The following ELF1 variants were observed in gnomAD, a reference collection of about 807,000 sequenced individuals.
ELF1 encodes the protein ETS-related transcription factor Elf-1.
A neutral mutation model predicts 59.9 loss-of-function variants in ELF1; 24 were observed. The observed-to-expected ratio is 0.40, with a 90% CI of 0.29 to 0.56. The LOEUF (loss-of-function observed/expected upper bound fraction) is 0.56, where lower values mean the gene tolerates loss of function less well. Ranked by LOEUF, ELF1 falls within the 20% of genes least tolerant of loss-of-function variation. ELF1 has a pLI of 0.44. For missense variants in ELF1, 627 were observed against 742.2 expected (o/e 0.84, Z 1.80); for synonymous variants, 248 against 266.2 (o/e 0.93, Z 0.67).
chr13:40,989,636 T>C (rs965178946), intron 1 of ELF1, among the ~76,000 whole-genome samples: 6 of 152,122 alleles, frequency 3.9e-5, no homozygotes, highest in African/African-American at 9.7e-5. Context: ...CTAACATCCA[T>C]AGATTTCCAC....
upstream of ELF1, among the ~76,000 whole-genome samples, chr13:41,020,583 T>C (rs1344649862): frequency 6.6e-6 from 1 of 152,218 alleles, no homozygotes; most frequent in Non-Finnish European, 1.5e-5. Context: ...GAAGATTGCT[T>C]GGTTTATCCT....
chr13:40,955,483 G>A (rs1240562228), intron 3 of ELF1, among the ~76,000 whole-genome samples: 5 of 110,616 alleles, frequency 4.5e-5, no homozygotes, highest in African/African-American at 6.8e-5. Flanking sequence ...GCCTCTGCCC[G>A]GCCGCCCCTA....
chr13:40,956,293 A>C (rs1871422154), intron 3 of ELF1, among the ~76,000 whole-genome samples: 1 of 152,010 alleles, frequency 6.6e-6, no homozygotes, highest in South Asian at 2.1e-4. Flanking sequence ...GTGCTCTCTG[A>C]AACATGTGCT....
rs146268857 is a variant in ELF1 at position 41,007,697 on chromosome 13, A to C, written c.-229+11531T>G. On this transcript the variant is annotated intron_variant, in intron 1 of 8. Transcript: ENST00000239882. Reference sequence around the variant, plus strand: ...GTGTTATAAGCTTGTATTTAACATAAACTTTAATAAAAGTATATTTCTTCC... The same window carrying C: ...GTGTTATAAGCTTGTATTTAACATACACTTTAATAAAAGTATATTTCTTCC... Among the ~76,000 whole-genome samples, 434 of 152,338 alleles carry C rather than the reference A, an allele frequency of 2.8e-3. 2 individuals carry two copies. Among genetic ancestry groups the C allele is most frequent in the African/African-American group, 0.01 (424 of 41,574 alleles).
intron 3 of ELF1, among the ~76,000 whole-genome samples, chr13:40,955,388 C>A (rs1871215390): frequency 7.0e-6 from 1 of 143,844 alleles, no homozygotes; most frequent in South Asian, 2.2e-4. Flanking sequence ...GGTCATCCCC[C>A]TGCCCGGCCA....
Position 40,941,239 on chromosome 13 carries a change from G to A in ELF1, c.938C>T (p.Pro313Leu). 1.2e-6 allele frequency: 2 copies of A among 1,614,142 alleles called. No homozygotes were observed. The change falls in exon 8 of 9, where the codon CCA becomes CTA. Residue 313 changes from proline (P) to leucine (L), a missense_variant. By Grantham distance (98) the Pro-to-Leu change is moderately conservative. Transcript: ENST00000239882. The stretch of plus-strand genomic sequence containing the variant: ...TGAAGTGGCTGATGAAGATAGCGAT[G>A]GATCTGAAGACTCTATGCTGGAACT... ...DPSSSIESSDPSLSSSATSNR... is the reference protein window; with the variant it reads ...DPSSSIESSDLSLSSSATSNR...
chr13:41,032,239 T>TG (rs1876194993), intron 1 of ELF1, among the ~76,000 whole-genome samples: 1 of 150,730 alleles, frequency 6.6e-6, no homozygotes, highest in South Asian at 2.1e-4. Flanking sequence ...TTTTTTGAGA[T>TG]GGAGTTTTGC....
chr13:41,025,611 T>G (rs1875863683), intron 1 of ELF1, among the ~76,000 whole-genome samples: 1 of 152,256 alleles, frequency 6.6e-6, no homozygotes, highest in Non-Finnish European at 1.5e-5. Context: ...GTCAAGTTAG[T>G]GACTGATTTG....
chr13:41,034,790 T>TAAAAA (rs368956919), intron 1 of ELF1, among the ~76,000 whole-genome samples: 1 of 117,346 alleles, frequency 8.5e-6, no homozygotes. Flanking sequence ...ATATTCCTAT[T>TAAAAA]AAAAAAAAAA....
chr13:40,968,560 A>G (rs1566175264), intron 2 of ELF1, among the ~76,000 whole-genome samples: 1 of 152,170 alleles, frequency 6.6e-6, no homozygotes, highest in African/African-American at 2.4e-5. Context: ...ACACAAAGCA[A>G]GCTAGGATTG....
In ELF1 at chr13:41,040,534, G is replaced by A. The variant is rs1477432658; in HGVS notation, c.-229+20304C>T. 2.0e-5 allele frequency among the ~76,000 whole-genome samples: 3 copies of A among 152,238 alleles called. No individual in the cohort carries two copies. In the East Asian group the frequency reaches 5.8e-4, roughly 29 times the overall value. On this transcript the variant is annotated intron_variant, in intron 1 of 1. Coordinates refer to the ELF1 transcript ENST00000405737. ...TCACGGATGGGGGGCAGGGGTTGGG[G>A]AGGATGGTTTTGGGATGAAACTGTT...
chr13:40,971,488 C>T (rs1398596483), intron 2 of ELF1, among the ~76,000 whole-genome samples: 1 of 152,148 alleles, frequency 6.6e-6, no homozygotes, highest in Non-Finnish European at 1.5e-5. Flanking sequence ...TGGGCTCAAG[C>T]GATCTTTCTG....
intron 1 of ELF1, among the ~76,000 whole-genome samples, chr13:41,042,018 A>G (rs1042270479): frequency 3.9e-5 from 6 of 152,226 alleles, no homozygotes; most frequent in Admixed American, 3.9e-4. Flanking sequence ...GATATTATTT[A>G]TTTACTTATG....
intron 1 of ELF1, among the ~76,000 whole-genome samples, chr13:40,983,913 A>C (rs1241891889): frequency 1.3e-5 from 2 of 152,072 alleles, no homozygotes; most frequent in Non-Finnish European, 2.9e-5. Context: ...GCCAGCATTC[A>C]ATCCCATCTT....
chr13:41,040,795 G>A (rs908201365), intron 1 of ELF1, among the ~76,000 whole-genome samples: 2 of 152,110 alleles, frequency 1.3e-5, no homozygotes, highest in African/African-American at 4.8e-5. Context: ...GGGGGCTGGG[G>A]ATCCCTGCAC....
At chr13:41,038,090 G>C (rs1324237913) in intron 1 of ELF1, among the ~76,000 whole-genome samples, 2 of 143,488 alleles carry the variant, frequency 1.4e-5, no homozygotes, top group Non-Finnish European at 3.0e-5. Flanking sequence ...AAAAGGAATA[G>C]TGAGGAGGAA....
intron 5 of ELF1, among the ~76,000 whole-genome samples, chr13:40,947,879 T>C (rs2138149636): frequency 6.6e-6 from 1 of 152,294 alleles, no homozygotes; most frequent in East Asian, 1.9e-4. Context: ...TTACATAGTA[T>C]GATTAGAGGT....
chr13:41,014,376 C>T (rs1875240114), intron 1 of ELF1, among the ~76,000 whole-genome samples: 1 of 152,148 alleles, frequency 6.6e-6, no homozygotes, highest in South Asian at 2.1e-4. Flanking sequence ...CAAAACATTT[C>T]TGCATAGAAA....
chr13:40,972,091 TA>T (rs1045183728), intron 2 of ELF1, among the ~76,000 whole-genome samples: 2 of 152,110 alleles, frequency 1.3e-5, no homozygotes, highest in African/African-American at 2.4e-5. Flanking sequence ...CAAAGAATTT[TA>T]AAAAATCATA....
Sources: gnomAD v4.1 joint callset for allele counts (sites outside exome capture counted in the v4.1 genomes callset) on GRCh38, gnomAD v4.1.1 for gene constraint, MANE v1.5 for transcripts, NCBI Gene and HGNC (gene_info 2026-07-23, HGNC 2026-07-21) for gene names.